Variants in TMTC4 observed in about 807,000 individuals in gnomAD.
TMTC4 encodes the protein transmembrane O-mannosyltransferase targeting cadherins 4, also known as protein O-mannosyl-transferase TMTC4.
A neutral mutation model predicts 86.0 loss-of-function variants in TMTC4; 65 were observed. That is an observed-to-expected ratio of 0.76 (90% confidence interval 0.62 to 0.93). The LOEUF (loss-of-function observed/expected upper bound fraction) is 0.93, where lower values mean the gene tolerates loss of function less well. Ranked by LOEUF, TMTC4 falls within the 40% of genes least tolerant of loss-of-function variation. The probability of loss-of-function intolerance (pLI) is 0.00; values close to 1 mark genes in which losing one functional copy is unlikely to be tolerated. For missense variants in TMTC4, 866 were observed against 948.1 expected (o/e 0.91, Z 1.14); for synonymous variants, 379 against 382.5 (o/e 0.99, Z 0.11).
Position 100,605,192 on chromosome 13 carries a change from C to T in TMTC4, c.2135-50G>A. On this transcript the variant is annotated intron_variant, in intron 18 of 18. Coordinates refer to ENST00000342624, the MANE Select transcript of TMTC4 (RefSeq NM_032813.5). The surrounding 1 kb of genome is among the most constrained non-coding windows in gnomAD (Gnocchi z 4.3). Reference sequence around the variant, plus strand: ...ACTGGGAATGCTTCTGAGTAACGTGCCGTATTCCTACCCTCTTGGACAAAG... The same window carrying T: ...ACTGGGAATGCTTCTGAGTAACGTGTCGTATTCCTACCCTCTTGGACAAAG... 1 of 1,576,920 alleles carries T rather than the reference C, an allele frequency of 6.3e-7. No homozygotes were observed.
intron 6 of TMTC4, among the ~76,000 whole-genome samples, chr13:100,651,569 A>G (rs887962522): frequency 5.9e-5 from 9 of 151,888 alleles, no homozygotes; most frequent in Admixed American, 5.9e-4. Flanking sequence ...ATTTTCTGAA[A>G]ATACTAGGAT....
chr13:100,663,663 C>T (rs530340299), intron 4 of TMTC4, among the ~76,000 whole-genome samples: 1 of 152,302 alleles, frequency 6.6e-6, no homozygotes, highest in South Asian at 2.1e-4. Flanking sequence ...GATTCCTATT[C>T]TGACTGCTTC....
chr13:100,633,143 C>G (rs907344191), intron 12 of TMTC4, among the ~76,000 whole-genome samples: 2 of 151,898 alleles, frequency 1.3e-5, no homozygotes. Flanking sequence ...GAAACCCCGT[C>G]TCTACTAAAA....
intron 1 of TMTC4, chr13:100,674,229 T>G: frequency 1.0e-6 from 1 of 979,206 alleles, no homozygotes; most frequent in South Asian, 4.7e-5. Context: ...GAGCGTGGAG[T>G]AGCAGGCGCT....
At chr13:100,641,017 T>C (rs1222079161) in intron 7 of TMTC4, among the ~76,000 whole-genome samples, 2 of 151,898 alleles carry the variant, frequency 1.3e-5, no homozygotes, top group Non-Finnish European at 2.9e-5. Flanking sequence ...ACTGAAAAGG[T>C]AGATGTCTTT....
intron 1 of TMTC4, among the ~76,000 whole-genome samples, chr13:100,673,684 G>C (rs948203147): frequency 6.6e-6 from 1 of 152,208 alleles, no homozygotes; most frequent in African/African-American, 2.4e-5. Flanking sequence ...AGTAGCGCAC[G>C]AGGGCCATGG....
intron 6 of TMTC4, among the ~76,000 whole-genome samples, chr13:100,642,687 T>C (rs1461540239): frequency 1.3e-5 from 2 of 152,170 alleles, no homozygotes; most frequent in African/African-American, 4.8e-5. Context: ...AAACAGTCCA[T>C]CTGGTTTCAA....
intron 15 of TMTC4, among the ~76,000 whole-genome samples, chr13:100,615,294 T>C (rs1878298257): frequency 6.6e-6 from 1 of 151,236 alleles, no homozygotes; most frequent in Non-Finnish European, 1.5e-5. Context: ...CCCACCACCA[T>C]GCCCGGCAAA....
chr13:100,634,319 T>C (rs1041293600), intron 12 of TMTC4, among the ~76,000 whole-genome samples: 4 of 152,182 alleles, frequency 2.6e-5, no homozygotes, highest in Admixed American at 6.5e-5. Flanking sequence ...TGTACTATTG[T>C]GCAGCACATA....
At chr13:100,622,443 C>A (rs1221610024) in intron 15 of TMTC4, among the ~76,000 whole-genome samples, 3 of 152,208 alleles carry the variant, frequency 2.0e-5, no homozygotes, top group Non-Finnish European at 4.4e-5. Context: ...CCATCATTCC[C>A]ATGTGTTGTG....
intron 3 of TMTC4, among the ~76,000 whole-genome samples, chr13:100,668,011 A>G (rs1204563924): frequency 6.6e-6 from 1 of 152,224 alleles, no homozygotes; most frequent in Non-Finnish European, 1.5e-5. Flanking sequence ...CTGCAAGTTC[A>G]GCAACACCGA....
intron 1 of TMTC4, chr13:100,674,491 G>GCGGACA (rs200241124): frequency 1.1e-6 from 1 of 949,442 alleles, no homozygotes; most frequent in Non-Finnish European, 1.3e-6. Flanking sequence ...CGAGCGCGGC[G>GCGGACA]GGCGGGGCGC....
chr13:100,618,362 C>T (rs1266431140), intron 15 of TMTC4, among the ~76,000 whole-genome samples: 1 of 151,002 alleles, frequency 6.6e-6, no homozygotes, highest in Non-Finnish European at 1.5e-5. Flanking sequence ...GCTAGGACTT[C>T]CAGTACCATG....
chr13:100,612,643 A>C (rs1877797964), intron 16 of TMTC4, 133 bp from the exon 17 acceptor site: 1 of 619,654 alleles, frequency 1.6e-6, no homozygotes, highest in South Asian at 2.0e-5. Flanking sequence ...AAATCTGTGT[A>C]GATCATGTAA....
chr13:100,606,292 A>G, intron 18 of TMTC4, 66 bp downstream of exon 18: 1 of 1,331,146 alleles, frequency 7.5e-7, no homozygotes, highest in South Asian at 1.3e-5. Flanking sequence ...TTAATTTTAT[A>G]GACATGCACC....
chr13:100,651,456 TTC>T (rs1434031431), intron 6 of TMTC4, among the ~76,000 whole-genome samples: 1 of 132,038 alleles, frequency 7.6e-6, no homozygotes, highest in Non-Finnish European at 1.6e-5. Context: ...TTTTAAAAAA[TTC>T]TGTTGCAAAG....
rs1885949306 is a variant in TMTC4 at position 100,662,911 on chromosome 13, G to A, written c.552+53C>T. The A allele has an allele frequency of 3.1e-6, 5 of 1,588,256 alleles. No individual in the cohort carries two copies. The African/African-American group carries it at 6.7e-5, about 21-fold the overall frequency. ...TTTTAGGAAACCAGGCGACATGGGG[G>A]TGTCATATCGCTTCTCACGTGCATA... On this transcript the variant is annotated intron_variant, in intron 5 of 18. Coordinates refer to ENST00000342624, the MANE Select transcript of TMTC4 (RefSeq NM_032813.5).
At chr13:100,668,888 T>C in intron 2 of TMTC4, 94 bp from the exon 3 acceptor site, 1 of 1,251,182 alleles carries the variant, frequency 8.0e-7, no homozygotes. Context: ...TAGTCATTTA[T>C]GCTATGATTT....
chr13:100,674,872 C>A (rs1039378178), upstream of TMTC4: 16 of 975,168 alleles, frequency 1.6e-5, no homozygotes, highest in Admixed American at 3.7e-4. Context: ...CCGCGCCGCG[C>A]CTCCCGCAGC....
Sources: allele counts gnomAD v4.1 joint callset (sites outside exome capture counted in the v4.1 genomes callset), GRCh38; gene constraint gnomAD v4.1.1; non-coding constraint Gnocchi (gnomAD v3.1); transcripts MANE v1.5; gene names NCBI Gene and HGNC (gene_info 2026-07-23, HGNC 2026-07-21).